KIF20B: variants seen among roughly 807,000 people sequenced by gnomAD.
KIF20B encodes the protein kinesin family member 20B, also known as kinesin-like protein KIF20B.
KIF20B carries 188 observed loss-of-function variants against 232.5 expected under a neutral mutation model. That is an observed-to-expected ratio of 0.81 (90% CI 0.72 to 0.91). KIF20B has a LOEUF of 0.91. Among genes scored for constraint, KIF20B ranks in the 40% least tolerant of loss-of-function variants. KIF20B has a pLI of 0.00. For synonymous variants in KIF20B, 712 were observed against 683.0 expected, an observed-to-expected ratio of 1.04 and a Z score of -0.66; for missense variants, 2,154 against 2,055.9, an observed-to-expected ratio of 1.05 and a Z score of -0.92.
rs1277594487 is a variant in KIF20B at position 89,760,399 on chromosome 10, G to A, written c.4681-127G>A. 8.0e-6 allele frequency: 5 copies of A among 625,876 alleles called. No individual in the cohort carries two copies. In the Admixed American group the frequency reaches 1.2e-4, roughly 15 times the overall value. The allele number at this position is 625,876 out of a possible 1,614,324, so 38.8% of individuals were successfully genotyped here. On this transcript the variant is annotated intron_variant, in intron 27 of 32. Transcript: ENST00000371728. ...GGAGGGCTAGGTGGTAATTAAAGGT[G>A]TCTTTACTTAGTAATTTCCATTGTT...
At position 89,739,660 on chromosome 10, in the gene KIF20B, C is replaced by CT. The variant is rs200053232; in HGVS notation, c.3915+580dup. Among the ~76,000 whole-genome samples, 168 of 139,742 alleles carry CT rather than the reference C, an allele frequency of 1.2e-3. 1 individual carries two copies. Among genetic ancestry groups the CT allele is most frequent in the Admixed American group, 4.1e-3 (58 of 14,138 alleles). 91.7% of individuals were successfully genotyped at this position (139,742 alleles called of 152,430 possible). ...TAGACCTTCTCTAAAGATTGGAGCA[C>CT]TTTTTTTTTTTTTTTTAAACTTTGA... On this transcript the variant is annotated intron_variant, in intron 21 of 32. Transcript: ENST00000371728.
At chr10:89,712,357 G>A (rs1443975662) in intron 6 of KIF20B, among the ~76,000 whole-genome samples, 2 of 151,934 alleles carry the variant, frequency 1.3e-5, no homozygotes, top group Non-Finnish European at 1.5e-5. Context: ...GGGCACAAGT[G>A]ATTCTCCTGC....
chr10:89,760,701 A>T, intron 28 of KIF20B, 65 bp downstream of exon 28: 1 of 971,106 alleles, frequency 1.0e-6, no homozygotes, highest in Non-Finnish European at 1.6e-6. Flanking sequence ...AATAACACGT[A>T]CAAGTAAGTT....
At chr10:89,761,009 A>G (rs2133165785) in intron 28 of KIF20B, among the ~76,000 whole-genome samples, 2 of 152,312 alleles carry the variant, frequency 1.3e-5, no homozygotes, top group East Asian at 3.9e-4. Flanking sequence ...CCAGTCTTCA[A>G]TAACAACTCG....
At position 89,768,990 on chromosome 10, in the gene KIF20B, A is replaced by G. The variant is rs1842417384; in HGVS notation, c.5242+102A>G. 4 of 956,580 alleles carry G rather than the reference A, an allele frequency of 4.2e-6. No individual in the cohort carries two copies. In the South Asian group the frequency reaches 5.2e-5, roughly 13 times the overall value. The allele number at this position is 956,580 out of a possible 1,614,324, so 59.3% of individuals were successfully genotyped here. A position where few individuals can be genotyped will look rare whatever the true frequency, so the allele number is the denominator to read the frequency against. On this transcript the variant is annotated intron_variant, in intron 31 of 32. Coordinates refer to ENST00000371728, the MANE Select transcript of KIF20B (RefSeq NM_001284259.2). ...TCAACAGCTGTTCAGGGAATATTAT[A>G]CTTCAAATAGGCATTGTCCTATACT...
At chr10:89,707,646 C>A (rs1225145099) in intron 2 of KIF20B, among the ~76,000 whole-genome samples, 2 of 150,612 alleles carry the variant, frequency 1.3e-5, no homozygotes, top group African/African-American at 4.9e-5. Flanking sequence ...CTTCCCCCAT[C>A]CCCTTTCCCC....
chr10:89,761,318 A>G (rs1842234192), intron 28 of KIF20B, among the ~76,000 whole-genome samples: 1 of 152,064 alleles, frequency 6.6e-6, no homozygotes, highest in Non-Finnish European at 1.5e-5. Context: ...TTCATGGGCT[A>G]AGTGTTATAG....
chr10:89,754,074 T>G (rs1227148220), intron 25 of KIF20B, among the ~76,000 whole-genome samples: 2 of 151,616 alleles, frequency 1.3e-5, no homozygotes, highest in East Asian at 3.8e-4. Context: ...CTTCTGGATG[T>G]TCTTTTAATA....
chr10:89,740,701 C>T (rs1841778640), intron 21 of KIF20B, among the ~76,000 whole-genome samples: 1 of 152,114 alleles, frequency 6.6e-6, no homozygotes, highest in Non-Finnish European at 1.5e-5. Flanking sequence ...TACTCTGTCA[C>T]CCAATCTGGA....
At chr10:89,714,021 AT>A in intron 6 of KIF20B, 25 bp from the exon 7 acceptor site, 2 of 1,244,024 alleles carry the variant, frequency 1.6e-6, no homozygotes, top group Non-Finnish European at 1.1e-6. Flanking sequence ...TGTTTTTTTA[AT>A]TTTTTAAAAC....
At position 89,726,620 on chromosome 10, in the gene KIF20B, C is replaced by T. The variant is rs895386953; in HGVS notation, c.2230+99C>T. 14 of 1,007,474 alleles carry T rather than the reference C, an allele frequency of 1.4e-5. No individual in the cohort carries two copies. In the African/African-American group the frequency reaches 1.8e-4, roughly 13 times the overall value. The allele number at this position is 1,007,474 out of a possible 1,614,324, so 62.4% of individuals were successfully genotyped here. On this transcript the variant is annotated intron_variant, in intron 16 of 32. Coordinates refer to ENST00000371728, the MANE Select transcript of KIF20B (RefSeq NM_001284259.2). Reference sequence around the variant, plus strand: ...TTATGTAGCTCATTTACCGTAGTGACCAGAAAATTCTTTCATCTAGGTAAC... The same window carrying T: ...TTATGTAGCTCATTTACCGTAGTGATCAGAAAATTCTTTCATCTAGGTAAC...
chr10:89,744,442 G>A (rs1452991320), intron 22 of KIF20B, among the ~76,000 whole-genome samples: 4 of 152,304 alleles, frequency 2.6e-5, no homozygotes, highest in East Asian at 1.9e-4. Flanking sequence ...GAAGTCTGGA[G>A]TGTAATTAAT....
At chr10:89,707,004 C>A (rs1842736965) in intron 2 of KIF20B, among the ~76,000 whole-genome samples, 1 of 152,128 alleles carries the variant, frequency 6.6e-6, no homozygotes. Flanking sequence ...GAATTGACAT[C>A]TTGACAATAT....
intron 17 of KIF20B, among the ~76,000 whole-genome samples, chr10:89,728,732 G>T (rs976590730): frequency 6.6e-6 from 1 of 151,686 alleles, no homozygotes; most frequent in African/African-American, 2.4e-5. Flanking sequence ...TCAAACTCCT[G>T]ACTTCAGGTA....
At chr10:89,723,824 G>A in intron 13 of KIF20B, 140 bp from the exon 14 acceptor site, 2 of 720,416 alleles carry the variant, frequency 2.8e-6, no homozygotes, top group Non-Finnish European at 3.9e-6. Context: ...ATAATTTTCA[G>A]TGAGAACATT....
chr10:89,747,486 C>T (rs527302837), intron 23 of KIF20B, among the ~76,000 whole-genome samples: 14 of 151,492 alleles, frequency 9.2e-5, no homozygotes, highest in Middle Eastern at 3.4e-3. Flanking sequence ...GGAACCAATC[C>T]AAATGTCCAA....
At chr10:89,765,138 ATTTATTAAATAGGGAATCCT>A (rs1478955984) in intron 29 of KIF20B, among the ~76,000 whole-genome samples, 1 of 151,970 alleles carries the variant, frequency 6.6e-6, no homozygotes, top group African/African-American at 2.4e-5. Context: ...TCCCAGCACC[ATTTATTAAATAGGGAATCCT>A]TTCCCCATTG....
At chr10:89,773,561 A>G (rs1842510047) in intron 32 of KIF20B, among the ~76,000 whole-genome samples, 1 of 151,980 alleles carries the variant, frequency 6.6e-6, no homozygotes, top group South Asian at 2.1e-4. Context: ...CTGTTTGATT[A>G]GTACCTGATT....
In KIF20B at chr10:89,737,756, C is replaced by T. The variant is rs1489218050; in HGVS notation, c.2915C>T (p.Thr972Ile). The T allele has an allele frequency of 1.2e-6, 2 of 1,611,336 alleles. No individual in the cohort carries two copies. The highest frequency in any genetic ancestry group is 1.3e-5 in the African/African-American group (1 of 74,828). ...MKLSNEIETA[T>I]RSITNNVSQI... Reference sequence around the variant, plus strand: ...TTGTCAAATGAGATAGAAACTGCTACAAGAAGCATTACAAATAATGTTTCA... The same window carrying T: ...TTGTCAAATGAGATAGAAACTGCTATAAGAAGCATTACAAATAATGTTTCA... Residue 972 changes from threonine (T) to isoleucine (I), a missense_variant, in exon 20 of 33, where the codon ACA becomes ATA. By Grantham distance (89) the Thr-to-Ile change is moderately conservative (BLOSUM62 -1). Coordinates refer to ENST00000371728, the MANE Select transcript of KIF20B (RefSeq NM_001284259.2).
Sources: gnomAD v4.1 joint callset for allele counts (sites outside exome capture counted in the v4.1 genomes callset) on GRCh38, gnomAD v4.1.1 for gene constraint, MANE v1.5 for transcripts, NCBI Gene and HGNC (gene_info 2026-07-23, HGNC 2026-07-21) for gene names.